Variants in ZNF782 observed in about 807,000 individuals in gnomAD.
ZNF782 encodes the protein zinc finger protein 782.
ZNF782 carries 12 observed loss-of-function variants against 13.0 expected under a neutral mutation model. The observed-to-expected ratio is 0.92, with a 90% confidence interval of 0.59 to 1.50. The LOEUF (loss-of-function observed/expected upper bound fraction) is 1.50, where lower values mean the gene tolerates loss of function less well. Among genes scored for constraint, ZNF782 ranks in the 40% most tolerant of loss-of-function variants. The pLI is 0.00. For synonymous variants in ZNF782, 284 were observed against 283.0 expected (o/e 1.00, Z -0.04); for missense variants, 770 against 822.9 (o/e 0.94, Z 0.79).
At position 96,817,864 on chromosome 9, in the gene ZNF782, T is replaced by C; in HGVS notation, c.*59A>G. 1 of 1,420,526 alleles carries C rather than the reference T, an allele frequency of 7.0e-7. No homozygotes were observed. The highest frequency in any genetic ancestry group is 9.5e-7 in the Non-Finnish European group (1 of 1,051,100). 88.0% of individuals were successfully genotyped at this position (1,420,526 alleles called of 1,614,324 possible). ...CAGTTCTCTCCTGTGTGTTCATTTA[T>C]GTATTGTGAGGTTTGATTTCCAGCT... On this transcript the variant is annotated 3_prime_UTR_variant, in exon 6 of 6. Coordinates refer to ENST00000481138, the MANE Select transcript of ZNF782 (RefSeq NM_001001662.3).
At chr9:96,931,865 C>T in the ZNF782 span, 7 of 1,612,450 alleles carry the variant, frequency 4.3e-6, no homozygotes, top group East Asian at 1.6e-4. Context: ...AGCCGGCCCT[C>T]TGGTGCTCTC....
the ZNF782 span, chr9:96,932,529 T>C: frequency 1.6e-6 from 2 of 1,284,920 alleles, no homozygotes; most frequent in Non-Finnish European, 1.1e-6. Flanking sequence ...GTTGTGAGGG[T>C]GATGGGTTGT....
intron 4 of ZNF782, among the ~76,000 whole-genome samples, chr9:96,840,662 T>G (rs188234442): frequency 6.6e-6 from 1 of 152,016 alleles, no homozygotes; most frequent in Non-Finnish European, 1.5e-5. Flanking sequence ...AGTCTCATAC[T>G]ATATGAATGA....
the ZNF782 span, among the ~76,000 whole-genome samples, chr9:96,900,702 T>C: frequency 1.3e-5 from 2 of 152,272 alleles, no homozygotes; most frequent in African/African-American, 4.8e-5. Context: ...GATCGCACCA[T>C]TGCACTCCAG....
At position 96,851,984 on chromosome 9, in the gene ZNF782, A is replaced by C; in HGVS notation, c.-23T>G. On this transcript the variant is annotated 5_prime_UTR_variant, in exon 3 of 6. Transcript: ENST00000481138. ...CATTTTCTGTGGCTCTTGGGAGAGT[A>C]TAGAGAACTGTAAAGCCTCAGCTGG... 1 of 1,613,656 alleles carries C rather than the reference A, an allele frequency of 6.2e-7. No individual in the cohort carries two copies. Among genetic ancestry groups the C allele is most frequent in the Non-Finnish European group, 8.5e-7 (1 of 1,179,536 alleles).
the ZNF782 span, chr9:96,893,483 A>G: frequency 6.6e-6 from 1 of 152,180 alleles, no homozygotes; most frequent in Non-Finnish European, 1.5e-5. Flanking sequence ...TTCCTCAGGG[A>G]TCTAGAACTA....
chr9:96,832,348 A>T (rs1405906699), intron 4 of ZNF782, among the ~76,000 whole-genome samples: 1 of 152,188 alleles, frequency 6.6e-6, no homozygotes, highest in Non-Finnish European at 1.5e-5. Context: ...AGAATGTTCA[A>T]TTTTTCCCTT....
intron 3 of ZNF782, among the ~76,000 whole-genome samples, chr9:96,847,724 GC>G (rs1198341655): frequency 1.3e-5 from 2 of 152,172 alleles, no homozygotes; most frequent in Admixed American, 1.3e-4. Flanking sequence ...TGGATTCACA[GC>G]TGAATTCTAC....
At chr9:96,898,618 C>T in the ZNF782 span, among the ~76,000 whole-genome samples, 360 of 147,974 alleles carry the variant, frequency 2.4e-3, 21 homozygotes, top group African/African-American at 8.5e-3. Flanking sequence ...ACAATCTTGG[C>T]TCACTGCAAC....
chr9:96,871,084 G>A (rs903763218), intron 1 of ZNF782, among the ~76,000 whole-genome samples: 1 of 152,010 alleles, frequency 6.6e-6, no homozygotes, highest in Non-Finnish European at 1.5e-5. Context: ...TTAAATAAAG[G>A]TATTAAAAGA....
intron 3 of ZNF782, among the ~76,000 whole-genome samples, chr9:96,859,722 C>T (rs549540151): frequency 6.6e-6 from 1 of 152,250 alleles, no homozygotes; most frequent in African/African-American, 2.4e-5. Context: ...GGAGAGACTC[C>T]CTCTGCTTGA....
chr9:96,818,766 C>G lies in ZNF782; in HGVS notation c.1257G>C (p.Glu419Asp). Residue 419 changes from glutamate to aspartate, a missense_variant, in exon 6 of 6, where the codon GAG becomes GAC. By Grantham distance (45) the Glu-to-Asp change is conservative. Coordinates refer to ENST00000481138, the MANE Select transcript of ZNF782 (RefSeq NM_001001662.3). ...LRKHQRTHTGEKPYKCDGCDK... is the reference protein window; with the variant it reads ...LRKHQRTHTGDKPYKCDGCDK... ...CACATCCATCACATTTGTATGGTTTCTCTCCCGTGTGAGTTCTCTGATGTT... is the reference window on the plus strand; with the variant it reads ...CACATCCATCACATTTGTATGGTTTGTCTCCCGTGTGAGTTCTCTGATGTT... 1 of 1,613,728 alleles carries G rather than the reference C, an allele frequency of 6.2e-7. No homozygotes were observed. The highest frequency in any genetic ancestry group is 8.5e-7 in the Non-Finnish European group (1 of 1,179,918).
At chr9:96,900,871 G>C in the ZNF782 span, among the ~76,000 whole-genome samples, 297 of 140,144 alleles carry the variant, frequency 2.1e-3, no homozygotes, top group African/African-American at 9.3e-3. Context: ...TGGCAGCCAG[G>C]TGTGGTGGCT....
At chr9:96,874,954 C>A (rs1851875680) in intron 1 of ZNF782, among the ~76,000 whole-genome samples, 1 of 152,194 alleles carries the variant, frequency 6.6e-6, no homozygotes, top group African/African-American at 2.4e-5. Context: ...CCAGACACTA[C>A]CAGAAAGCCT....
chr9:96,837,138 C>T (rs1198673318), intron 4 of ZNF782, among the ~76,000 whole-genome samples: 1 of 152,170 alleles, frequency 6.6e-6, no homozygotes, highest in Non-Finnish European at 1.5e-5. Flanking sequence ...CAAGATGCCC[C>T]ACACTCATCT....
chr9:96,837,356 T>A (rs1008167212), intron 4 of ZNF782, among the ~76,000 whole-genome samples: 2 of 152,212 alleles, frequency 1.3e-5, no homozygotes, highest in African/African-American at 4.8e-5. Flanking sequence ...TTATAATCAG[T>A]TTTATTTCTG....
At chr9:96,839,660 A>AC (rs143194632) in intron 4 of ZNF782, among the ~76,000 whole-genome samples, 4,655 of 149,510 alleles carry the variant, frequency 0.031, 219 homozygotes, top group African/African-American at 0.1. Context: ...CTAATCACTC[A>AC]CCCCCCCCAC....
chr9:96,922,991 A>G, the ZNF782 span, among the ~76,000 whole-genome samples: 1 of 147,584 alleles, frequency 6.8e-6, no homozygotes, highest in African/African-American at 2.5e-5. Flanking sequence ...ACCAATAACC[A>G]TATCACATAC....
chr9:96,855,750 C>A (rs575514833), upstream of ZNF782, among the ~76,000 whole-genome samples: 2 of 152,302 alleles, frequency 1.3e-5, no homozygotes, highest in South Asian at 2.1e-4. Flanking sequence ...ATAATGACTT[C>A]TTTTCCTCTG....
Sources: allele counts gnomAD v4.1 joint callset (sites outside exome capture counted in the v4.1 genomes callset), GRCh38; gene constraint gnomAD v4.1.1; transcripts MANE v1.5; gene names NCBI Gene and HGNC (gene_info 2026-07-23, HGNC 2026-07-21).